Variants in PRIM2 observed in about 807,000 individuals in gnomAD.
PRIM2 encodes the protein DNA primase subunit 2.
A neutral mutation model predicts 67.3 loss-of-function variants in PRIM2; 39 were observed. The ratio of observed to expected loss-of-function variants is 0.58; its 90% CI spans 0.45 to 0.76. The LOEUF is 0.76. Ranked by LOEUF, PRIM2 falls within the 30% of genes least tolerant of loss-of-function variation. The pLI is 0.00. For synonymous variants in PRIM2, 143 were observed against 198.7 expected, an observed-to-expected ratio of 0.72 and a Z score of 2.36; for missense variants, 398 against 598.7, an observed-to-expected ratio of 0.66 and a Z score of 3.50.
intron 7 of PRIM2, among the ~76,000 whole-genome samples, chr6:57,389,687 T>C (rs1253652436): frequency 6.6e-6 from 1 of 152,176 alleles, no homozygotes; most frequent in Non-Finnish European, 1.5e-5. Flanking sequence ...TTTGTTCGTT[T>C]GGAAAAATAT....
At chr6:57,345,307 G>A (rs9382708) in intron 5 of PRIM2, among the ~76,000 whole-genome samples, 7 of 151,488 alleles carry the variant, frequency 4.6e-5, no homozygotes, top group Admixed American at 6.6e-5. Flanking sequence ...GCAGGCATGC[G>A]CCACCAGGCC....
At chr6:57,573,927 G>A (rs1347721324) in intron 10 of PRIM2, among the ~76,000 whole-genome samples, 2 of 151,852 alleles carry the variant, frequency 1.3e-5, no homozygotes, top group African/African-American at 4.8e-5. Context: ...CTATGGCTTT[G>A]GAGAAATAAT....
At chr6:57,427,671 G>T (rs1262947400) in intron 7 of PRIM2, among the ~76,000 whole-genome samples, 2 of 152,200 alleles carry the variant, frequency 1.3e-5, no homozygotes, top group East Asian at 3.9e-4. Flanking sequence ...AATGTCATTT[G>T]TATTATAGTG....
At chr6:57,595,177 C>A (rs1321348568) in intron 10 of PRIM2, among the ~76,000 whole-genome samples, 1 of 152,150 alleles carries the variant, frequency 6.6e-6, no homozygotes, top group African/African-American at 2.4e-5. Flanking sequence ...TACAACTACT[C>A]TGGAAAATGT....
chr6:57,390,872 A>G (rs1770320144), intron 7 of PRIM2, among the ~76,000 whole-genome samples: 1 of 152,102 alleles, frequency 6.6e-6, no homozygotes, highest in East Asian at 1.9e-4. Context: ...TTGATGGTAG[A>G]ATGATTTATA....
intron 10 of PRIM2, among the ~76,000 whole-genome samples, chr6:57,593,155 G>A (rs1469058602): frequency 6.6e-6 from 1 of 152,140 alleles, no homozygotes. Flanking sequence ...CCACAGCTGG[G>A]ATGTCTGGAC....
At chr6:57,254,336 C>T in the PRIM2 span, among the ~76,000 whole-genome samples, 1 of 152,168 alleles carries the variant, frequency 6.6e-6, no homozygotes, top group Non-Finnish European at 1.5e-5. Flanking sequence ...GCAACAAGTC[C>T]ACTGTTTCCT....
chr6:57,531,206 G>T (rs1433619693), intron 8 of PRIM2, among the ~76,000 whole-genome samples: 147 of 152,260 alleles, frequency 9.7e-4, no homozygotes, highest in Non-Finnish European at 1.7e-3. Flanking sequence ...AGGCTCGAAT[G>T]CTCAGGCATG....
At chr6:57,325,732 G>C (rs1767828636) in intron 4 of PRIM2, 193 bp from the exon 5 acceptor site, 1 of 163,292 alleles carries the variant, frequency 6.1e-6, no homozygotes, top group South Asian at 2.0e-4. Flanking sequence ...CCTATACCTT[G>C]TACCCAACCC....
chr6:57,492,595 T>C (rs1308641385), intron 7 of PRIM2, among the ~76,000 whole-genome samples: 1 of 152,112 alleles, frequency 6.6e-6, no homozygotes, highest in African/African-American at 2.4e-5. Context: ...TTTAATTTAT[T>C]TGATTTAACC....
intron 5 of PRIM2, among the ~76,000 whole-genome samples, chr6:57,335,046 C>T (rs1419015400): frequency 1.7e-4 from 26 of 152,278 alleles, no homozygotes; most frequent in Middle Eastern, 3.4e-3. Context: ...TTGCCTCACT[C>T]GGGAAGTGCA....
chr6:57,300,809 T>C, the PRIM2 span, among the ~76,000 whole-genome samples: 39 of 152,008 alleles, frequency 2.6e-4, no homozygotes. Context: ...GATCAAGAAG[T>C]ACCTTTATTT....
chr6:57,332,246 C>A (rs1379829921), intron 5 of PRIM2, among the ~76,000 whole-genome samples: 4 of 151,888 alleles, frequency 2.6e-5, no homozygotes, highest in African/African-American at 9.7e-5. Flanking sequence ...TATATGACTG[C>A]AATCTTTTAA....
At chr6:57,362,685 T>C (rs1396818751) in intron 5 of PRIM2, among the ~76,000 whole-genome samples, 1 of 152,114 alleles carries the variant, frequency 6.6e-6, no homozygotes, top group African/African-American at 2.4e-5. Context: ...CTTCCTTTTT[T>C]TTTTTGGAAA....
intron 7 of PRIM2, among the ~76,000 whole-genome samples, chr6:57,484,906 A>G (rs1174765762): frequency 6.6e-6 from 1 of 151,988 alleles, no homozygotes; most frequent in Non-Finnish European, 1.5e-5. Flanking sequence ...TCAATTTTGT[A>G]TTTGTTTCCA....
chr6:57,407,935 TG>T (rs1398030093), intron 7 of PRIM2, among the ~76,000 whole-genome samples: 2 of 152,248 alleles, frequency 1.3e-5, no homozygotes, highest in Non-Finnish European at 2.9e-5. Flanking sequence ...GCATGAATTT[TG>T]CAGAGAGGGA....
the PRIM2 span, among the ~76,000 whole-genome samples, chr6:57,232,833 G>A: frequency 6.6e-6 from 1 of 152,162 alleles, no homozygotes; most frequent in Non-Finnish European, 1.5e-5. Flanking sequence ...TCAGAAAGTT[G>A]TTGGGTGAGC....
chr6:57,278,313 C>T, the PRIM2 span, among the ~76,000 whole-genome samples: 11 of 151,940 alleles, frequency 7.2e-5, no homozygotes, highest in South Asian at 1.2e-3. Flanking sequence ...GGTGATAGAG[C>T]GAGACTGTTT....
At chr6:57,552,050 A>C (rs1775415374) in intron 10 of PRIM2, among the ~76,000 whole-genome samples, 1 of 152,086 alleles carries the variant, frequency 6.6e-6, no homozygotes, top group African/African-American at 2.4e-5. Flanking sequence ...ACCTTTCGAT[A>C]TGATTTCAGT....
Sources: gnomAD v4.1 joint callset for allele counts (sites outside exome capture counted in the v4.1 genomes callset) on GRCh38, gnomAD v4.1.1 for gene constraint, MANE v1.5 for transcripts, NCBI Gene and HGNC (gene_info 2026-07-23, HGNC 2026-07-21) for gene names.